SMPD3: variants seen among roughly 807,000 people sequenced by gnomAD.
SMPD3 encodes sphingomyelin phosphodiesterase 3.
In SMPD3, 21 loss-of-function variants were observed where a neutral mutation model predicts 55.7. The ratio of observed to expected loss-of-function variants is 0.38; its 90% CI spans 0.27 to 0.54. The LOEUF (loss-of-function observed/expected upper bound fraction) is 0.54, where lower values mean the gene tolerates loss of function less well. SMPD3 is among the 20% of genes least tolerant of loss of function. SMPD3 has a pLI of 0.80. For synonymous variants in SMPD3, 457 were observed against 404.3 expected (o/e 1.13, Z -1.56); for missense variants, 842 against 899.6 (o/e 0.94, Z 0.82).
At chr16:68,442,174 A>G (rs2090572036) in intron 1 of SMPD3, among the ~76,000 whole-genome samples, 1 of 152,254 alleles carries the variant, frequency 6.6e-6, no homozygotes, top group East Asian at 1.9e-4. Context: ...AGTTTAGGAC[A>G]GTGGAAAGAA....
intron 1 of SMPD3, among the ~76,000 whole-genome samples, chr16:68,442,219 C>A (rs1892345846): frequency 6.6e-6 from 1 of 152,218 alleles, no homozygotes; most frequent in South Asian, 2.1e-4. Flanking sequence ...GGGTTCTAAG[C>A]CCCATCTTAG....
At chr16:68,376,906 G>C (rs1482853515) in intron 2 of SMPD3, among the ~76,000 whole-genome samples, 1 of 152,200 alleles carries the variant, frequency 6.6e-6, no homozygotes, top group African/African-American at 2.4e-5. Flanking sequence ...CTACCTCCCA[G>C]GATGATCATA....
intron 1 of SMPD3, among the ~76,000 whole-genome samples, chr16:68,424,326 T>C (rs1334394324): frequency 6.6e-6 from 1 of 151,996 alleles, no homozygotes; most frequent in Admixed American, 6.5e-5. Context: ...CCTTCTTCAC[T>C]TGCCCCTCCA....
At position 68,373,426 on chromosome 16, in the gene SMPD3, G is replaced by A. The variant is rs539558154; in HGVS notation, c.-206-1039C>T. On this transcript the variant is annotated intron_variant, in intron 2 of 8. Transcript: ENST00000219334. ...ACCCCGTCGGGGAGCCTATAGAAGC[G>A]TAACCCAGACTTTCCATGACTGGAG... Among the ~76,000 whole-genome samples, 8 of 152,354 alleles carry A rather than the reference G, an allele frequency of 5.3e-5. No individual in the cohort carries two copies. The South Asian group carries it at 1.2e-3, about 24-fold the overall frequency.
rs2090238158 is a variant in SMPD3 at position 68,404,627 on chromosome 16, C to T, written c.-268-17968G>A. On this transcript the variant is annotated intron_variant, in intron 1 of 8. Transcript: ENST00000219334. This position sits in a 1 kb window ranked among gnomAD's most constrained non-coding sequence, Gnocchi z 4.0. ...GTCTGAAGGGACTTGTCAGGGGTTC[C>T]CCAGGTAGGAAATAGGGGTCACCTG... Among the ~76,000 whole-genome samples, 1 of 152,134 alleles carries T rather than the reference C, an allele frequency of 6.6e-6. No individual in the cohort carries two copies. Among genetic ancestry groups the T allele is most frequent in the South Asian group, 2.1e-4 (1 of 4,824 alleles).
At position 68,371,229 on chromosome 16, in the gene SMPD3, C is replaced by T; in HGVS notation, c.953G>A (p.Gly318Asp). 13 of 1,606,836 alleles carry T rather than the reference C, an allele frequency of 8.1e-6. No homozygotes were observed. The highest frequency in any genetic ancestry group is 1.0e-5 in the Non-Finnish European group (12 of 1,177,164). ...GPDTSASGEPGANSKLLYKAS... is the reference protein window; with the variant it reads ...GPDTSASGEPDANSKLLYKAS... ...CTTGTACAGGAGCTTGCTGTTGGCA[C>T]CTGGCTCCCCGCTGGCACTGGTGTC... The change falls in exon 3 of 9, where the codon GGT (glycine) becomes GAT (aspartate). Residue 318 changes from glycine (G) to aspartate (D), a missense_variant. Physicochemically the swap from Gly to Asp is moderately conservative, Grantham distance 94. Around this residue, in one of 2 missense-constraint regions of SMPD3, gnomAD observed 649 missense variants for 643.6 expected, o/e 1.01. Transcript: ENST00000219334.
At chr16:68,407,598 G>A (rs562257412) in intron 1 of SMPD3, among the ~76,000 whole-genome samples, 2 of 152,240 alleles carry the variant, frequency 1.3e-5, no homozygotes, top group South Asian at 2.1e-4. Flanking sequence ...GCCTCCCAAA[G>A]TGATGGGATT....
At chr16:68,424,301 T>A (rs1252731863) in intron 1 of SMPD3, among the ~76,000 whole-genome samples, 1 of 151,960 alleles carries the variant, frequency 6.6e-6, no homozygotes, top group Non-Finnish European at 1.5e-5. Flanking sequence ...GCCCCAGCAT[T>A]AAGTCTGCCT....
rs1374241349 is a variant in SMPD3 at position 68,372,037 on chromosome 16, C to T, written c.145G>A (p.Ala49Thr). Reference sequence around the variant, plus strand: ...AGCTGCAGGCAGCACGGGTCGTCTGCCCGCTGGCGCTTCTCGTAGGTGGTG... The same window carrying T: ...AGCTGCAGGCAGCACGGGTCGTCTGTCCGCTGGCGCTTCTCGTAGGTGGTG... ...IPTTYEKRQR[A>T]DDPCCLQLLC... The change falls in exon 3 of 9, where the codon GCA becomes ACA. Residue 49 changes from alanine (A) to threonine (T), a missense_variant. Physicochemically the swap from Ala to Thr is moderately conservative, Grantham distance 58 (BLOSUM62 0). This residue lies in a region of SMPD3 where 193 missense variants were observed against 256.0 expected (regional missense o/e 0.75). Transcript: ENST00000219334. 1.2e-6 allele frequency: 2 copies of T among 1,609,804 alleles called. No individual in the cohort carries two copies. Among genetic ancestry groups the T allele is most frequent in the Admixed American group, 1.7e-5 (1 of 59,124 alleles).
chr16:68,430,772 C>T (rs565526881), intron 1 of SMPD3, among the ~76,000 whole-genome samples: 46 of 152,282 alleles, frequency 3.0e-4, no homozygotes, highest in South Asian at 2.1e-3. Context: ...TGGATCCATG[C>T]GTGTGATGGC....
chr16:68,399,436 T>C (rs1842280981), intron 1 of SMPD3, among the ~76,000 whole-genome samples: 1 of 152,154 alleles, frequency 6.6e-6, no homozygotes, highest in African/African-American at 2.4e-5. Flanking sequence ...CCCACAGGCC[T>C]TGGATGTAAA....
rs531417829 is a variant in SMPD3 at position 68,371,942 on chromosome 16, G to A, written c.240C>T (p.Leu80=). The change falls in exon 3 of 9, where the codon CTC becomes CTT. Residue 80 remains leucine (L), a synonymous_variant. Transcript: ENST00000219334. ...LLVASLPFAF[L]GFLFWSPLQS... ...GCAGTGGGGACCAGAAGAGAAAGCC[G>A]AGAAACGCAAAGGGCAGCGAGGCCA... 309 of 1,611,930 alleles carry A rather than the reference G, an allele frequency of 1.9e-4. 2 individuals carry two copies. In the South Asian group the frequency reaches 2.6e-3, roughly 14 times the overall value.
intron 3 of SMPD3, 118 bp from the exon 4 acceptor site, chr16:68,365,210 T>TTGTGA: frequency 9.7e-7 from 1 of 1,030,630 alleles, no homozygotes; most frequent in Non-Finnish European, 1.5e-6. Context: ...GGCTCCTGGC[T>TTGTGA]GGATTCTGGG....
intron 1 of SMPD3, among the ~76,000 whole-genome samples, chr16:68,439,146 T>C (rs1470507712): frequency 2.6e-5 from 4 of 152,194 alleles, no homozygotes; most frequent in Admixed American, 1.3e-4. Context: ...AGGAGAAAGA[T>C]GAAGTCTGGA....
chr16:68,408,686 T>C (rs2090272336), intron 1 of SMPD3, among the ~76,000 whole-genome samples: 2 of 152,214 alleles, frequency 1.3e-5, no homozygotes, highest in African/African-American at 4.8e-5. Context: ...TCTATTTCTC[T>C]GGTCTGCCCA....
chr16:68,386,884 G>A (rs1013055304), intron 1 of SMPD3, among the ~76,000 whole-genome samples: 6 of 152,328 alleles, frequency 3.9e-5, no homozygotes, highest in South Asian at 2.1e-4. Context: ...AGGTTTGTGT[G>A]ACAGATTTTC....
chr16:68,434,226 T>C (rs1035235670), intron 1 of SMPD3, among the ~76,000 whole-genome samples: 30 of 152,212 alleles, frequency 2.0e-4, no homozygotes, highest in African/African-American at 7.0e-4. Context: ...TTTTGGTTAT[T>C]TGAGGTCAGG....
At chr16:68,407,719 A>AT (rs1407668068) in intron 1 of SMPD3, among the ~76,000 whole-genome samples, 1 of 152,088 alleles carries the variant, frequency 6.6e-6, no homozygotes, top group African/African-American at 2.4e-5. Flanking sequence ...ATATTGTTGT[A>AT]TTTTTAACCT....
Position 68,371,625 on chromosome 16 carries a change from C to G in SMPD3, c.557G>C (p.Ser186Thr). Residue 186 changes from serine (S) to threonine (T), a missense_variant, in exon 3 of 9, where the codon AGC becomes ACC. Transcript: ENST00000219334. ...NTSISAASFS[S>T]LVSPQGGDGV... is the part of the protein sequence containing the mutation. Reference sequence around the variant, plus strand: ...ATCGCCGCCCTGTGGTGACACCAGGCTGCTGAAGCTAGCGGCGCTGATGGA... The same window carrying G: ...ATCGCCGCCCTGTGGTGACACCAGGGTGCTGAAGCTAGCGGCGCTGATGGA... 1 of 1,565,336 alleles carries G rather than the reference C, an allele frequency of 6.4e-7. No individual in the cohort carries two copies. Among genetic ancestry groups the G allele is most frequent in the Non-Finnish European group, 8.6e-7 (1 of 1,157,050 alleles).
Sources: allele counts gnomAD v4.1 joint callset (sites outside exome capture counted in the v4.1 genomes callset), GRCh38; gene constraint gnomAD v4.1.1; regional missense constraint gnomAD v4.1.1; non-coding constraint Gnocchi (gnomAD v3.1); transcripts MANE v1.5; gene names NCBI Gene and HGNC (gene_info 2026-07-23, HGNC 2026-07-21).